Variants in ZNF444 observed in about 807,000 individuals in gnomAD.
The protein encoded by ZNF444 is endothelial zinc finger protein 2.
ZNF444 carries 8 observed loss-of-function variants against 14.4 expected under a neutral mutation model. The observed-to-expected ratio is 0.56, with a 90% CI of 0.33 to 1.00. The LOEUF is 1.00. ZNF444 is among the 50% of genes least tolerant of loss of function. The pLI is 0.03. For missense variants in ZNF444, 510 were observed against 504.8 expected, an observed-to-expected ratio of 1.01 and a Z score of -0.10; for synonymous variants, 258 against 235.9, an observed-to-expected ratio of 1.09 and a Z score of -0.86.
chr19:56,142,583 T>C (rs1167026998), intron 1 of ZNF444, among the ~76,000 whole-genome samples: 1 of 152,158 alleles, frequency 6.6e-6, no homozygotes, highest in Non-Finnish European at 1.5e-5. Flanking sequence ...ACAAGTGCCA[T>C]TAATGTCGAG....
chr19:56,146,960 G>C lies in ZNF444; in HGVS notation c.49G>C (p.Asp17His). Reference protein sequence around the residue: ...VKQEAEGLALDSPWHRFRRFH... With the variant: ...VKQEAEGLALHSPWHRFRRFH... ...GCAGGAGGCCGAGGGCCTGGCGCTG[G>C]ACTCCCCGTGGCACCGCTTCCGCCG... The change falls in exon 3 of 5, where the codon GAC becomes CAC. Residue 17 changes from aspartate to histidine, a missense_variant. Coordinates refer to ENST00000337080, the MANE Select transcript of ZNF444 (RefSeq NM_018337.4). The C allele has an allele frequency of 6.9e-7, 1 of 1,446,962 alleles. No homozygotes were observed. The highest frequency in any genetic ancestry group is 1.5e-5 in the African/African-American group (1 of 67,098). The allele number at this position is 1,446,962 out of a possible 1,614,324, so 89.6% of individuals were successfully genotyped here.
rs2031254328 is a variant in ZNF444 at position 56,147,262 on chromosome 19, G to A, written c.297+54G>A. Reference sequence around the variant, plus strand: ...AGGGAGAGGGGAAGGTGCCAGGGAAGCCACCAGGAAGCCCAGGGAGGAGCA... The same window carrying A: ...AGGGAGAGGGGAAGGTGCCAGGGAAACCACCAGGAAGCCCAGGGAGGAGCA... On this transcript the variant is annotated intron_variant, in intron 3 of 4. Transcript: ENST00000337080. This position sits in a 1 kb window ranked among gnomAD's most constrained non-coding sequence, Gnocchi z 5.9. 1 of 1,391,060 alleles carries A rather than the reference G, an allele frequency of 7.2e-7. No homozygotes were observed. The highest frequency in any genetic ancestry group is 9.3e-7 in the Non-Finnish European group (1 of 1,079,068). 86.2% of individuals were successfully genotyped at this position (1,391,060 alleles called of 1,614,324 possible). A position where few individuals can be genotyped will look rare whatever the true frequency, so the allele number is the denominator to read the frequency against.
At position 56,145,954 on chromosome 19, in the gene ZNF444, G is replaced by A. The variant is rs1219401615; in HGVS notation, c.-196-293G>A. 6.6e-6 allele frequency: 1 copy of A among 152,212 alleles called. No homozygotes were observed. Among genetic ancestry groups the A allele is most frequent in the Non-Finnish European group, 1.5e-5 (1 of 68,054 alleles). The allele number at this position is 152,212 out of a possible 1,614,324, so 9.4% of individuals were successfully genotyped here. A position where few individuals can be genotyped will look rare whatever the true frequency, so the allele number is the denominator to read the frequency against. Reference sequence around the variant, plus strand: ...TCCCGGTGTCCCTTTCTCTTATAAGGCCACAGCCCTATTAGGCCCAGCCCT... The same window carrying A: ...TCCCGGTGTCCCTTTCTCTTATAAGACCACAGCCCTATTAGGCCCAGCCCT... On this transcript the variant is annotated intron_variant, in intron 1 of 4. Transcript: ENST00000337080. This position sits in a 1 kb window ranked among gnomAD's most constrained non-coding sequence, Gnocchi z 4.3.
chr19:56,132,940 T>C (rs1007345938), intron 1 of ZNF444, among the ~76,000 whole-genome samples: 1 of 121,814 alleles, frequency 8.2e-6, no homozygotes, highest in Non-Finnish European at 1.8e-5. Flanking sequence ...TCTTTCTTTT[T>C]TTTTTTTTTT....
At chr19:56,132,744 T>C (rs2030508615) in exon 1 of ZNF444, 1 of 152,036 alleles carries the variant, frequency 6.6e-6, no homozygotes, top group African/African-American at 2.4e-5. Context: ...TTGGGAAGAA[T>C]TTCCAAGGAA....
In ZNF444 at chr19:56,159,847, T is replaced by G. The variant is rs1319530998; in HGVS notation, c.630T>G (p.Pro210=). The change falls in exon 5 of 5, where the codon CCT becomes CCG. Residue 210 remains proline (P), a synonymous_variant. Transcript: ENST00000337080. ...CGGGCGAGAAGCCGCACGCCTGCCC[T>G]GAGTGCGGGAAGGCCTTTCGGCGCA... ...SHSGEKPHAC[P]ECGKAFRRKE... is the part of the protein sequence containing the mutation. 6.4e-7 allele frequency: 1 copy of G among 1,555,622 alleles called. No homozygotes were observed. Among genetic ancestry groups the G allele is most frequent in the South Asian group, 1.2e-5 (1 of 85,314 alleles).
chr19:56,146,748 C>G, intron 2 of ZNF444, 142 bp from the exon 3 acceptor site: 1 of 641,498 alleles, frequency 1.6e-6, no homozygotes, highest in Non-Finnish European at 2.3e-6. Context: ...AGATCCGCCA[C>G]TGCACTCCAA....
Position 56,144,333 on chromosome 19 carries a change from G to A in ZNF444, c.-196-1914G>A, listed in dbSNP as rs538887392. Among the ~76,000 whole-genome samples, 4 of 152,100 alleles carry A rather than the reference G, an allele frequency of 2.6e-5. No individual in the cohort carries two copies. The South Asian group carries it at 6.2e-4, about 24-fold the overall frequency. ...TAAAAAAAAGAAAAAAGAAAAAAAG[G>A]GATCCATTGTGGCTGGAGTATAGAG... On this transcript the variant is annotated intron_variant, in intron 1 of 4. Coordinates refer to ENST00000337080, the MANE Select transcript of ZNF444 (RefSeq NM_018337.4). The surrounding 1 kb of genome is among the most constrained non-coding windows in gnomAD (Gnocchi z 4.0).
chr19:56,148,575 G>GC (rs982580254), intron 3 of ZNF444, among the ~76,000 whole-genome samples: 7 of 152,090 alleles, frequency 4.6e-5, no homozygotes, highest in Admixed American at 3.9e-4. Flanking sequence ...GGCCCGACCA[G>GC]CCCCCAGACA....
At chr19:56,134,097 T>C (rs1158138599) in intron 1 of ZNF444, among the ~76,000 whole-genome samples, 1 of 151,832 alleles carries the variant, frequency 6.6e-6, no homozygotes, top group African/African-American at 2.4e-5. Flanking sequence ...CCTCACACGC[T>C]CACTCAGCTC....
chr19:56,159,086 CACCCATGCATTCATCATCT>C (rs942133250), intron 4 of ZNF444, among the ~76,000 whole-genome samples: 2 of 151,730 alleles, frequency 1.3e-5, no homozygotes, highest in African/African-American at 4.8e-5. Context: ...ACCCATCATC[CACCCATGCATTCATCATCT>C]ACCCATCCAT....
At chr19:56,142,228 G>A (rs1312096722) in intron 1 of ZNF444, 2 of 152,318 alleles carry the variant, frequency 1.3e-5, no homozygotes, top group East Asian at 3.9e-4. Context: ...ACACTTACTA[G>A]CCAGGTGTGG....
At chr19:56,156,644 GACT>G (rs1384975906) in intron 3 of ZNF444, 1 of 152,270 alleles carries the variant, frequency 6.6e-6, no homozygotes, top group African/African-American at 2.4e-5. Context: ...GTCAGGGAGA[GACT>G]CTTTTTCTGA....
In ZNF444 at chr19:56,160,416, C is replaced by G. The variant is rs2032221869; in HGVS notation, c.*215C>G. ...TTCCTTCTCAGGTCTCACCTCAGCCCCCCCCTTCTCCCTGATTTCTCGGCC... is the reference window on the plus strand; with the variant it reads ...TTCCTTCTCAGGTCTCACCTCAGCCGCCCCCTTCTCCCTGATTTCTCGGCC... On this transcript the variant is annotated 3_prime_UTR_variant, in exon 5 of 5. Coordinates refer to ENST00000337080, the MANE Select transcript of ZNF444 (RefSeq NM_018337.4). The G allele has an allele frequency of 1.0e-5, 5 of 483,178 alleles. No homozygotes were observed. The highest frequency in any genetic ancestry group is 1.0e-4 in the South Asian group (3 of 30,010). 29.9% of individuals were successfully genotyped at this position (483,178 alleles called of 1,614,324 possible). A position where few individuals can be genotyped will look rare whatever the true frequency, so the allele number is the denominator to read the frequency against.
At chr19:56,142,449 A>G (rs902172695) in intron 1 of ZNF444, 1 of 152,186 alleles carries the variant, frequency 6.6e-6, no homozygotes, top group Admixed American at 6.5e-5. Context: ...CCCAGGGGAC[A>G]TGTGGCAATG....
upstream of ZNF444, among the ~76,000 whole-genome samples, chr19:56,137,287 A>G (rs1489974138): frequency 6.6e-6 from 1 of 151,474 alleles, no homozygotes; most frequent in Non-Finnish European, 1.5e-5. Context: ...CCTGGCCAAC[A>G]TGGCAAAACC....
chr19:56,153,148 TGG>T (rs918864587), intron 3 of ZNF444, among the ~76,000 whole-genome samples: 4 of 152,124 alleles, frequency 2.6e-5, no homozygotes, highest in African/African-American at 9.7e-5. Context: ...CTCTTCCATT[TGG>T]GGGAGAACAG....
chr19:56,148,714 A>AACAAATCACAAACGCAGCGGCTT (rs547284168), intron 3 of ZNF444, among the ~76,000 whole-genome samples: 9 of 152,092 alleles, frequency 5.9e-5, no homozygotes, highest in African/African-American at 1.7e-4. Flanking sequence ...AGTGGGTTGT[A>AACAAATCACAAACGCAGCGGCTT]ACAAATCACA....
Position 56,158,499 on chromosome 19 carries a change from A to G in ZNF444, c.303A>G (p.Pro101=), listed in dbSNP as rs2032044146. ...AAACTGTGCTCTCATTTCAGGGGCCAGCAGCCTCCCCCGATGGGTCGTCAG... is the reference window on the plus strand; with the variant it reads ...AAACTGTGCTCTCATTTCAGGGGCCGGCAGCCTCCCCCGATGGGTCGTCAG... ...AVALLEELWG[P]AASPDGSSAT... The change falls in exon 4 of 5, where the codon CCA becomes CCG. Residue 101 remains proline, a synonymous_variant. Transcript: ENST00000337080. The G allele has an allele frequency of 1.2e-6, 2 of 1,607,704 alleles. No homozygotes were observed. Among genetic ancestry groups the G allele is most frequent in the South Asian group, 1.1e-5 (1 of 90,222 alleles).
Sources: allele counts gnomAD v4.1 joint callset (sites outside exome capture counted in the v4.1 genomes callset), GRCh38; gene constraint gnomAD v4.1.1; non-coding constraint Gnocchi (gnomAD v3.1); transcripts MANE v1.5; gene names NCBI Gene and HGNC (gene_info 2026-07-23, HGNC 2026-07-21).